GRIK1: variants seen among roughly 807,000 people sequenced by gnomAD.
GRIK1 encodes the protein glutamate receptor ionotropic, kainate 1.
Under a neutral mutation model 105.7 loss-of-function variants are expected in GRIK1, and 69 were observed. The ratio of observed to expected loss-of-function variants is 0.65; its 90% CI spans 0.54 to 0.80. The LOEUF (loss-of-function observed/expected upper bound fraction) is 0.80. GRIK1 is among the 30% of genes least tolerant of loss of function. The probability of loss-of-function intolerance (pLI) is 0.00; values close to 1 mark genes in which losing one functional copy is unlikely to be tolerated. For synonymous variants in GRIK1, 438 were observed against 431.3 expected, an observed-to-expected ratio of 1.02 and a Z score of -0.19; for missense variants, 1,109 against 1,167.3, an observed-to-expected ratio of 0.95 and a Z score of 0.73.
intron 7 of GRIK1, among the ~76,000 whole-genome samples, chr21:29,637,861 C>T (rs1692047835): frequency 6.6e-6 from 1 of 152,180 alleles, no homozygotes. Flanking sequence ...TGTGTGTGGT[C>T]TATGATTGAA....
chr21:29,555,666 C>A (rs1321067406), intron 15 of GRIK1, among the ~76,000 whole-genome samples: 1 of 152,150 alleles, frequency 6.6e-6, no homozygotes, highest in Non-Finnish European at 1.5e-5. Flanking sequence ...CCCCCATTGA[C>A]TGAACGACCC....
intron 1 of GRIK1, among the ~76,000 whole-genome samples, chr21:29,798,190 C>T (rs935874447): frequency 6.6e-6 from 1 of 152,116 alleles, no homozygotes; most frequent in Admixed American, 6.5e-5. Flanking sequence ...ATTGATCCAA[C>T]CTGATAATAA....
chr21:29,548,152 C>T (rs563046480), intron 16 of GRIK1, among the ~76,000 whole-genome samples: 3,432 of 152,140 alleles, frequency 0.023, 110 homozygotes, highest in African/African-American at 0.077. Context: ...ATTTTTGTGT[C>T]TTATCTGGAT....
intron 1 of GRIK1, among the ~76,000 whole-genome samples, chr21:29,832,426 G>A (rs769261007): frequency 1.6e-4 from 25 of 152,122 alleles, no homozygotes; most frequent in Non-Finnish European, 2.9e-4. Flanking sequence ...TGAGGGCTCC[G>A]TCACTGTAGC....
intron 1 of GRIK1, among the ~76,000 whole-genome samples, chr21:29,876,693 T>C (rs990260478): frequency 6.6e-6 from 1 of 152,174 alleles, no homozygotes; most frequent in Admixed American, 6.6e-5. Context: ...TTCTTTGGAG[T>C]TCATTTTGGA....
chr21:29,705,907 T>A (rs1032806781), intron 1 of GRIK1, among the ~76,000 whole-genome samples: 1 of 150,876 alleles, frequency 6.6e-6, no homozygotes, highest in African/African-American at 2.4e-5. Flanking sequence ...GGAGTTTTGC[T>A]CTGTCACCCA....
At chr21:29,646,850 C>T (rs894363094) in intron 6 of GRIK1, among the ~76,000 whole-genome samples, 9 of 144,208 alleles carry the variant, frequency 6.2e-5, no homozygotes, top group Admixed American at 5.6e-4. Context: ...TCTTTCTTTC[C>T]TTTTTTTTTT....
At chr21:29,544,601 T>G (rs2090022422) in intron 16 of GRIK1, among the ~76,000 whole-genome samples, 1 of 152,182 alleles carries the variant, frequency 6.6e-6, no homozygotes, top group Admixed American at 6.5e-5. Flanking sequence ...AAGACTCAAA[T>G]TTGGAGCTTT....
chr21:29,863,247 G>A (rs372777492), intron 1 of GRIK1, among the ~76,000 whole-genome samples: 148 of 152,102 alleles, frequency 9.7e-4, no homozygotes, highest in Non-Finnish European at 1.7e-3. Flanking sequence ...CTTGATATCC[G>A]TTGCTAGAAA....
intron 7 of GRIK1, among the ~76,000 whole-genome samples, chr21:29,614,760 C>T (rs1280602548): frequency 6.6e-6 from 1 of 151,414 alleles, no homozygotes; most frequent in Admixed American, 6.6e-5. Flanking sequence ...CTGTGCTTTC[C>T]ACCTCCATCT....
intron 15 of GRIK1, among the ~76,000 whole-genome samples, chr21:29,556,732 A>G (rs2090266373): frequency 1.3e-5 from 2 of 152,220 alleles, no homozygotes; most frequent in African/African-American, 4.8e-5. Context: ...TCAAGTCACT[A>G]GGAATGATGG....
intron 16 of GRIK1, among the ~76,000 whole-genome samples, chr21:29,551,100 T>C (rs902776201): frequency 3.3e-5 from 5 of 152,178 alleles, no homozygotes; most frequent in African/African-American, 7.2e-5. Flanking sequence ...GTCAAGATGC[T>C]GTGGGGAAAA....
chr21:29,925,230 T>C (rs2071325786), intron 1 of GRIK1, among the ~76,000 whole-genome samples: 1 of 152,136 alleles, frequency 6.6e-6, no homozygotes. Flanking sequence ...CTTGCATGGT[T>C]TTTAACCTGA....
chr21:29,666,938 C>G (rs1457440109), intron 4 of GRIK1, among the ~76,000 whole-genome samples: 1 of 152,118 alleles, frequency 6.6e-6, no homozygotes, highest in Non-Finnish European at 1.5e-5. Context: ...TGACCTTGGG[C>G]AAGTTACAAA....
rs150947664 is a variant in GRIK1, at chr21:29,639,786, T to C, written c.1098+3040A>G. On this transcript the variant is annotated intron_variant, in intron 7 of 17. Coordinates refer to ENST00000327783, the MANE Select transcript of GRIK1 (RefSeq NM_001330994.2). ...TGCCAAGTTAATATTACTTATGTAGTGGAGTTCCAGTAATGCTTGTTGAGT... is the reference window on the plus strand; with the variant it reads ...TGCCAAGTTAATATTACTTATGTAGCGGAGTTCCAGTAATGCTTGTTGAGT... 2.0e-3 allele frequency among the ~76,000 whole-genome samples: 303 copies of C among 152,344 alleles called. 1 individual carries two copies. Among genetic ancestry groups the C allele is most frequent in the African/African-American group, 6.7e-3 (280 of 41,580 alleles).
intron 2 of GRIK1, among the ~76,000 whole-genome samples, chr21:29,693,497 G>A (rs533395346): frequency 1.3e-5 from 2 of 152,214 alleles, no homozygotes; most frequent in East Asian, 3.9e-4. Flanking sequence ...TAAAATTCAG[G>A]GTGTGAGTTA....
chr21:29,736,494 G>T (rs973670647), intron 1 of GRIK1, among the ~76,000 whole-genome samples: 4 of 152,100 alleles, frequency 2.6e-5, no homozygotes, highest in African/African-American at 4.8e-5. Context: ...CTCCCAAAGT[G>T]CTGGGATTAC....
intron 1 of GRIK1, among the ~76,000 whole-genome samples, chr21:29,755,941 AT>A (rs2065326722): frequency 6.6e-6 from 1 of 152,172 alleles, no homozygotes; most frequent in African/African-American, 2.4e-5. Context: ...TGCAAAGCAT[AT>A]TTTTACTGTC....
chr21:29,805,721 T>C (rs2066845649), intron 1 of GRIK1, among the ~76,000 whole-genome samples: 1 of 152,166 alleles, frequency 6.6e-6, no homozygotes, highest in Non-Finnish European at 1.5e-5. Context: ...CTGACACCTA[T>C]AGCAGACATT....
Sources: gnomAD v4.1 joint callset for allele counts (sites outside exome capture counted in the v4.1 genomes callset) on GRCh38, gnomAD v4.1.1 for gene constraint, MANE v1.5 for transcripts, NCBI Gene and HGNC (gene_info 2026-07-23, HGNC 2026-07-21) for gene names.